The following ARHGEF12 variants were observed in gnomAD, a reference collection of about 807,000 sequenced individuals.
ARHGEF12 encodes the protein Rho guanine nucleotide exchange factor 12.
Under a neutral mutation model 211.2 loss-of-function variants are expected in ARHGEF12, and 66 were observed. The ratio of observed to expected loss-of-function variants is 0.31; its 90% CI spans 0.26 to 0.38. The LOEUF (loss-of-function observed/expected upper bound fraction) is 0.38, where lower values mean the gene tolerates loss of function less well. Among genes scored for constraint, ARHGEF12 ranks in the 10% least tolerant of loss-of-function variants. The pLI is 1.00. For missense variants in ARHGEF12, 1,429 were observed against 1,869.5 expected (o/e 0.76, Z 4.34); for synonymous variants, 592 against 638.4 (o/e 0.93, Z 1.09).
intron 1 of ARHGEF12, among the ~76,000 whole-genome samples, chr11:120,355,639 C>G (rs1004101560): frequency 6.6e-6 from 1 of 152,124 alleles, no homozygotes; most frequent in African/African-American, 2.4e-5. Flanking sequence ...CCCAGGAGCT[C>G]CAGGCTGCAG....
At chr11:120,412,505 A>G (rs114612940) in intron 4 of ARHGEF12, among the ~76,000 whole-genome samples, 2,010 of 152,302 alleles carry the variant, frequency 0.013, 54 homozygotes, top group African/African-American at 0.046. Context: ...TTTGTCTCAC[A>G]TGGCCTTTCC....
At chr11:120,441,447 G>A (rs1036178099) in intron 13 of ARHGEF12, among the ~76,000 whole-genome samples, 2 of 152,040 alleles carry the variant, frequency 1.3e-5, no homozygotes, top group Admixed American at 6.6e-5. Flanking sequence ...GTATACATCC[G>A]AGCTACTTGA....
intron 1 of ARHGEF12, among the ~76,000 whole-genome samples, chr11:120,355,474 G>GA (rs1457504801): frequency 6.6e-6 from 1 of 152,080 alleles, no homozygotes; most frequent in Non-Finnish European, 1.5e-5. Flanking sequence ...TTACAGATGA[G>GA]AAAAAAACTT....
chr11:120,459,017 C>A (rs892876999), intron 25 of ARHGEF12, 157 bp from the exon 26 acceptor site: 5 of 609,918 alleles, frequency 8.2e-6, no homozygotes, highest in Non-Finnish European at 1.2e-5. Flanking sequence ...AGGAAAATTT[C>A]TTGGAATCAG....
chr11:120,479,842 G>T (rs762629910), intron 37 of ARHGEF12, 118 bp from the exon 38 acceptor site: 37 of 755,058 alleles, frequency 4.9e-5, no homozygotes, highest in Non-Finnish European at 7.8e-5. Flanking sequence ...ATTTTAATAT[G>T]TCATTAAAAG....
intron 27 of ARHGEF12, among the ~76,000 whole-genome samples, chr11:120,461,033 C>A (rs538696304): frequency 1.3e-5 from 2 of 152,284 alleles, no homozygotes; most frequent in East Asian, 3.9e-4. Flanking sequence ...TTTGCAGTTA[C>A]CTCTTCCACT....
intron 4 of ARHGEF12, among the ~76,000 whole-genome samples, chr11:120,419,724 G>A (rs1279615765): frequency 8.6e-5 from 13 of 151,936 alleles, no homozygotes; most frequent in Admixed American, 7.9e-4. Flanking sequence ...TTAGCATATC[G>A]TTTGGTTGGT....
At chr11:120,423,852 G>A (rs1945268705) in intron 6 of ARHGEF12, among the ~76,000 whole-genome samples, 2 of 152,048 alleles carry the variant, frequency 1.3e-5, no homozygotes, top group Non-Finnish European at 2.9e-5. Context: ...GATTTGTTTG[G>A]TTTAATTCAG....
At chr11:120,357,789 T>C (rs1166543347) in intron 1 of ARHGEF12, among the ~76,000 whole-genome samples, 5 of 152,148 alleles carry the variant, frequency 3.3e-5, no homozygotes, top group Non-Finnish European at 4.4e-5. Context: ...AGGCTGTCCT[T>C]GAACTCCTGA....
chr11:120,345,412 G>A (rs1942674109), intron 1 of ARHGEF12, among the ~76,000 whole-genome samples: 1 of 152,164 alleles, frequency 6.6e-6, no homozygotes, highest in South Asian at 2.1e-4. Flanking sequence ...TGATAGAAAT[G>A]CATATAACAG....
intron 20 of ARHGEF12, 55 bp downstream of exon 20, chr11:120,448,403 G>A (rs749964014): frequency 3.7e-6 from 5 of 1,334,328 alleles, no homozygotes; most frequent in Non-Finnish European, 5.3e-6. Flanking sequence ...CTTTACATTT[G>A]GTTGCAGTGT....
intron 1 of ARHGEF12, among the ~76,000 whole-genome samples, chr11:120,357,978 A>G (rs981626432): frequency 1.3e-5 from 2 of 152,198 alleles, no homozygotes; most frequent in Non-Finnish European, 2.9e-5. Flanking sequence ...TGGGCACAGC[A>G]GTTGGTAAAG....
intron 15 of ARHGEF12, among the ~76,000 whole-genome samples, chr11:120,443,072 A>G (rs939983311): frequency 1.5e-5 from 2 of 133,370 alleles, no homozygotes; most frequent in African/African-American, 2.9e-5. Flanking sequence ...CCCAGGCTGG[A>G]GCACAGTGGC....
At chr11:120,463,583 G>A (rs1037617093) in intron 27 of ARHGEF12, 2 of 151,706 alleles carry the variant, frequency 1.3e-5, no homozygotes, top group African/African-American at 4.8e-5. Context: ...TGAGTTTGGG[G>A]GCATTATTTT....
chr11:120,377,439 C>G (rs775934065), intron 1 of ARHGEF12, among the ~76,000 whole-genome samples: 1 of 151,994 alleles, frequency 6.6e-6, no homozygotes, highest in Non-Finnish European at 1.5e-5. Flanking sequence ...ATCCTGGGCT[C>G]AAGTGATCCT....
intron 22 of ARHGEF12, among the ~76,000 whole-genome samples, chr11:120,456,574 G>C (rs1465148738): frequency 5.9e-5 from 9 of 152,196 alleles, no homozygotes; most frequent in Admixed American, 5.9e-4. Flanking sequence ...TTGAAAACAT[G>C]AAAAAGGATT....
chr11:120,479,953 C>T lies in ARHGEF12; in HGVS notation c.3767-7C>T, dbSNP rs1591645916. On this transcript the variant is annotated splice_polypyrimidine_tract_variant and splice_region_variant and intron_variant, in intron 37 of 40. Coordinates refer to ENST00000397843, the MANE Select transcript of ARHGEF12 (RefSeq NM_015313.3). ...TTTTTTTTCCCCCTCCTTCCTAAATCGTTTAGTGGGTTTGTTGAAGCAGTT... is the reference window on the plus strand; with the variant it reads ...TTTTTTTTCCCCCTCCTTCCTAAATTGTTTAGTGGGTTTGTTGAAGCAGTT... The T allele has an allele frequency of 3.7e-6, 6 of 1,602,080 alleles. No individual in the cohort carries two copies. The East Asian group carries it at 9.0e-5, about 24-fold the overall frequency.
intron 15 of ARHGEF12, among the ~76,000 whole-genome samples, chr11:120,444,284 C>T (rs1011172612): frequency 7.9e-5 from 12 of 152,078 alleles, no homozygotes; most frequent in African/African-American, 2.9e-4. Flanking sequence ...CTTAAGAGGG[C>T]ACCAAGCTAA....
intron 27 of ARHGEF12, chr11:120,464,042 AT>A (rs1263050192): frequency 3.3e-5 from 5 of 152,262 alleles, no homozygotes; most frequent in Admixed American, 3.3e-4. Context: ...ATTAAAAAAC[AT>A]TAGTGAGAAG....
Sources: gnomAD v4.1 joint callset for allele counts (sites outside exome capture counted in the v4.1 genomes callset) on GRCh38, gnomAD v4.1.1 for gene constraint, MANE v1.5 for transcripts, NCBI Gene and HGNC (gene_info 2026-07-23, HGNC 2026-07-21) for gene names.